Variants in CPEB3 observed in about 807,000 individuals in gnomAD.
The protein encoded by CPEB3 is cytoplasmic polyadenylation element-binding protein 3.
In CPEB3, 20 loss-of-function variants were observed where a neutral mutation model predicts 67.2. The ratio of observed to expected loss-of-function variants is 0.30; its 90% CI spans 0.21 to 0.43. The LOEUF (loss-of-function observed/expected upper bound fraction) is 0.43, where lower values mean the gene tolerates loss of function less well. Ranked by LOEUF, CPEB3 falls within the 20% of genes least tolerant of loss-of-function variation. The pLI is 1.00. For synonymous variants in CPEB3, 376 were observed against 393.1 expected (o/e 0.96, Z 0.51); for missense variants, 746 against 968.6 (o/e 0.77, Z 3.05).
intron 9 of CPEB3, among the ~76,000 whole-genome samples, chr10:92,055,010 G>A (rs1842059190): frequency 6.6e-6 from 1 of 152,160 alleles, no homozygotes. Flanking sequence ...ATATCATGCA[G>A]CCATGAAAAA....
At chr10:92,194,779 C>A (rs1438195487) in intron 2 of CPEB3, among the ~76,000 whole-genome samples, 1 of 152,102 alleles carries the variant, frequency 6.6e-6, no homozygotes, top group Non-Finnish European at 1.5e-5. Context: ...CGGTGGCTCA[C>A]GCCTGTAATC....
intron 4 of CPEB3, among the ~76,000 whole-genome samples, chr10:92,174,566 A>T (rs1483212111): frequency 6.6e-6 from 1 of 152,240 alleles, no homozygotes; most frequent in African/African-American, 2.4e-5. Flanking sequence ...TTTATATATC[A>T]ATTCATGAGA....
chr10:92,212,095 G>C (rs2134348990), intron 2 of CPEB3, among the ~76,000 whole-genome samples: 1 of 151,664 alleles, frequency 6.6e-6, no homozygotes, highest in East Asian at 1.9e-4. Flanking sequence ...TGGCCAGGCT[G>C]GTTTTGAACT....
chr10:92,046,974 A>G lies in CPEB3; in HGVS notation c.*5238T>C, dbSNP rs1267890981. 1 of 152,242 alleles carries G rather than the reference A, an allele frequency of 6.6e-6. No homozygotes were observed. The highest frequency in any genetic ancestry group is 1.9e-4 in the East Asian group (1 of 5,204). 9.4% of individuals were successfully genotyped at this position (152,242 alleles called of 1,614,324 possible). A position where few individuals can be genotyped will look rare whatever the true frequency, so the allele number is the denominator to read the frequency against. On this transcript the variant is annotated 3_prime_UTR_variant, in exon 10 of 10. Transcript: ENST00000265997. ...AGAGATCCTAGCTGTGAACACTCTAAAAGTTAAGTCCATTATTTTGACAGC... is the reference window on the plus strand; with the variant it reads ...AGAGATCCTAGCTGTGAACACTCTAGAAGTTAAGTCCATTATTTTGACAGC...
Position 92,145,309 on chromosome 10 carries a change from GGAT to G in CPEB3, c.1223-227_1223-225del, listed in dbSNP as rs1015530047. Among the ~76,000 whole-genome samples the G allele has an allele frequency of 5.3e-4, 80 of 152,086 alleles. 2 individuals are homozygous for G. Among genetic ancestry groups the G allele is most frequent in the Admixed American group, 6.6e-5 (1 of 15,260 alleles). ...TTGTGTAAGGGTAGGCACAGCCTTG[GGAT>G]GACCAGATTGCTAACTAAAGAAAAA... On this transcript the variant is annotated intron_variant, in intron 4 of 9. Coordinates refer to ENST00000265997, the MANE Select transcript of CPEB3 (RefSeq NM_014912.5).
intron 9 of CPEB3, among the ~76,000 whole-genome samples, chr10:92,073,685 C>G (rs1842839867): frequency 6.6e-6 from 1 of 151,476 alleles, no homozygotes. Context: ...TGGCCTCAAG[C>G]TGAACTCCTG....
chr10:92,241,358 T>C (rs2134693673), intron 1 of CPEB3, among the ~76,000 whole-genome samples: 1 of 152,242 alleles, frequency 6.6e-6, no homozygotes, highest in Admixed American at 6.5e-5. Context: ...GAGATTTAAG[T>C]AGACAGTCAA....
rs1008988602 is a variant in CPEB3, at chr10:92,239,739, C to A, written c.612G>T (p.Arg204Ser). 4.6e-5 allele frequency: 69 copies of A among 1,505,032 alleles called. No homozygotes were observed. The highest frequency in any genetic ancestry group is 6.1e-5 in the Non-Finnish European group (69 of 1,133,712). 93.2% of individuals were successfully genotyped at this position (1,505,032 alleles called of 1,614,324 possible). A position where few individuals can be genotyped will look rare whatever the true frequency, so the allele number is the denominator to read the frequency against. The change falls in exon 2 of 10, where the codon AGG becomes AGT. Residue 204 changes from arginine to serine, a missense_variant. Physicochemically the swap from Arg to Ser is moderately radical, Grantham distance 110 (BLOSUM62 -1). Coordinates refer to ENST00000265997, the MANE Select transcript of CPEB3 (RefSeq NM_014912.5). This position sits in a 1 kb window ranked among gnomAD's most constrained non-coding sequence, Gnocchi z 6.0. ...GGTGGCCGTACGCCGCGGCGGCGCT[C>A]CTCTGCGCGTAGGGCGCCTGGCTGG... ...ASPSQAPYAQ[R>S]SAAAAYGHQP...
At chr10:92,213,542 T>C (rs1419422229) in intron 2 of CPEB3, among the ~76,000 whole-genome samples, 4 of 152,208 alleles carry the variant, frequency 2.6e-5, no homozygotes, top group African/African-American at 7.2e-5. Flanking sequence ...ATAAGATTAA[T>C]GTAGAAACAA....
intron 1 of CPEB3, among the ~76,000 whole-genome samples, chr10:92,274,089 C>T (rs1841866371): frequency 1.3e-5 from 2 of 152,298 alleles, no homozygotes. Flanking sequence ...CAAATGTCAG[C>T]CATGCCACTT....
At chr10:92,259,103 C>CA in intron 1 of CPEB3, among the ~76,000 whole-genome samples, 1 of 151,730 alleles carries the variant, frequency 6.6e-6, no homozygotes, top group Non-Finnish European at 1.5e-5. Flanking sequence ...GCAGGGATTA[C>CA]AGGTACACGC....
At chr10:92,171,549 C>A (rs1848001650) in intron 4 of CPEB3, among the ~76,000 whole-genome samples, 1 of 152,080 alleles carries the variant, frequency 6.6e-6, no homozygotes, top group Non-Finnish European at 1.5e-5. Flanking sequence ...TTAGTGTGAA[C>A]TCAAAAGGAA....
chr10:92,202,045 T>C (rs1184603668), intron 2 of CPEB3, among the ~76,000 whole-genome samples: 1 of 152,154 alleles, frequency 6.6e-6, no homozygotes, highest in East Asian at 1.9e-4. Flanking sequence ...AGACTTTTAC[T>C]TTAAACTAAG....
At chr10:92,153,502 T>C (rs988814978) in intron 4 of CPEB3, among the ~76,000 whole-genome samples, 2 of 152,184 alleles carry the variant, frequency 1.3e-5, no homozygotes, top group African/African-American at 2.4e-5. Flanking sequence ...AATACTAGCA[T>C]GGGCTGGGTG....
intron 2 of CPEB3, among the ~76,000 whole-genome samples, chr10:92,210,761 G>C (rs1268177790): frequency 2.0e-5 from 3 of 152,224 alleles, no homozygotes; most frequent in Admixed American, 1.3e-4. Flanking sequence ...AATATGGCCA[G>C]GCGTGGTGGC....
Position 92,240,316 on chromosome 10 carries a change from G to C in CPEB3, c.35C>G (p.Thr12Ser). 1.3e-6 allele frequency: 2 copies of C among 1,498,412 alleles called. No individual in the cohort carries two copies. The highest frequency in any genetic ancestry group is 1.8e-6 in the Non-Finnish European group (2 of 1,124,466). The allele number at this position is 1,498,412 out of a possible 1,614,324, so 92.8% of individuals were successfully genotyped here. ...CTGCTGCTGCTGGGGCTGGGGCTGG[G>C]TTTTGCTTTTGTCCATCAGTAAATC... ...QDDLLMDKSKTQPQPQQQQRQ... is the reference protein window; with the variant it reads ...QDDLLMDKSKSQPQPQQQQRQ... The change falls in exon 2 of 10, where the codon ACC becomes AGC. Residue 12 changes from threonine to serine, a missense_variant. Thr to Ser is a moderately conservative substitution (Grantham distance 58). This residue lies in a region of CPEB3 where 643 missense variants were observed against 717.5 expected (regional missense o/e 0.90). Transcript: ENST00000265997.
At chr10:92,128,347 A>C (rs947330139) in intron 6 of CPEB3, among the ~76,000 whole-genome samples, 1 of 152,224 alleles carries the variant, frequency 6.6e-6, no homozygotes, top group Non-Finnish European at 1.5e-5. Flanking sequence ...AAAATAAAAA[A>C]CATAATGTTT....
chr10:92,213,838 C>T (rs1037278291), intron 2 of CPEB3, among the ~76,000 whole-genome samples: 1 of 152,036 alleles, frequency 6.6e-6, no homozygotes, highest in Non-Finnish European at 1.5e-5. Flanking sequence ...AGTTGAAGTC[C>T]ACCAAATCTC....
chr10:92,287,068 G>A (rs1202032285), intron 1 of CPEB3, among the ~76,000 whole-genome samples: 1 of 151,796 alleles, frequency 6.6e-6, no homozygotes, highest in Non-Finnish European at 1.5e-5. Flanking sequence ...TATCTCTGAG[G>A]AAAAAGTTGT....
Sources: gnomAD v4.1 joint callset for allele counts (sites outside exome capture counted in the v4.1 genomes callset) on GRCh38, gnomAD v4.1.1 for gene constraint, gnomAD v4.1.1 regional missense constraint, Gnocchi (gnomAD v3.1) non-coding constraint, MANE v1.5 for transcripts, NCBI Gene and HGNC (gene_info 2026-07-23, HGNC 2026-07-21) for gene names.